The following ADGRL2 variants were observed in gnomAD, a reference collection of about 807,000 sequenced individuals.
ADGRL2 encodes calcium-independent alpha-latrotoxin receptor 2.
A neutral mutation model predicts 157.4 loss-of-function variants in ADGRL2; 44 were observed. That is an observed-to-expected ratio of 0.28 (90% CI 0.22 to 0.36). ADGRL2 has a LOEUF of 0.36. Among genes scored for constraint, ADGRL2 ranks in the 10% least tolerant of loss-of-function variants. The pLI is 1.00. For synonymous variants in ADGRL2, 585 were observed against 624.7 expected, an observed-to-expected ratio of 0.94 and a Z score of 0.95; for missense variants, 1,510 against 1,768.9, an observed-to-expected ratio of 0.85 and a Z score of 2.63.
intron 2 of ADGRL2, among the ~76,000 whole-genome samples, chr1:81,473,035 T>C (rs1055645817): frequency 2.0e-5 from 3 of 151,020 alleles, no homozygotes; most frequent in African/African-American, 7.3e-5. Flanking sequence ...GTGCCTGTTA[T>C]GTGAACTCAA....
rs558356608 is a variant in ADGRL2 at position 81,622,605 on chromosome 1, G to A, written c.-143+41625G>A. 4.1e-3 allele frequency among the ~76,000 whole-genome samples: 623 copies of A among 151,108 alleles called. 3 individuals carry two copies. Among genetic ancestry groups the A allele is most frequent in the Non-Finnish European group, 5.5e-3 (372 of 67,754 alleles). ...CAAAACAAAAAAACCTATGTTTTTGGGGGACCAGGCACAGTGGCTCATGCC... is the reference window on the plus strand; with the variant it reads ...CAAAACAAAAAAACCTATGTTTTTGAGGGACCAGGCACAGTGGCTCATGCC... On this transcript the variant is annotated intron_variant, in intron 3 of 24. Transcript: ENST00000370721.
chr1:81,564,728 A>G (rs933876897), intron 2 of ADGRL2, among the ~76,000 whole-genome samples: 3 of 152,212 alleles, frequency 2.0e-5, no homozygotes, highest in East Asian at 1.9e-4. Context: ...GGAATTATAC[A>G]TGCATACCAA....
intron 1 of ADGRL2, among the ~76,000 whole-genome samples, chr1:81,380,474 T>C (rs1442711597): frequency 6.6e-6 from 1 of 152,220 alleles, no homozygotes. Flanking sequence ...TTCTTTTTTG[T>C]TGTTGTTTAA....
At chr1:81,804,592 A>C (rs1252796224) in intron 1 of ADGRL2, among the ~76,000 whole-genome samples, 1 of 152,244 alleles carries the variant, frequency 6.6e-6, no homozygotes, top group Non-Finnish European at 1.5e-5. Flanking sequence ...ATGTGGGCCA[A>C]AAACATTGTC....
At chr1:81,503,430 C>A (rs2078899316) in intron 2 of ADGRL2, 8 of 1,613,560 alleles carry the variant, frequency 5.0e-6, no homozygotes, top group Non-Finnish European at 6.8e-6. Flanking sequence ...CATCCCGGGG[C>A]ACCCCCAGCG....
chr1:81,459,823 T>TATACAAACACATCC (rs1553166826), intron 2 of ADGRL2, among the ~76,000 whole-genome samples: 2 of 147,212 alleles, frequency 1.4e-5, no homozygotes, highest in Admixed American at 6.9e-5. Context: ...TATATATATA[T>TATACAAACACATCC]ATATATATAC....
rs1303505773 is a variant in ADGRL2, at chr1:81,943,880, A to G, written c.1210+111A>G. On this transcript the variant is annotated intron_variant, in intron 6 of 23. Coordinates refer to ENST00000686636, the MANE Select transcript of ADGRL2 (RefSeq NM_001366006.2). This position sits in a 1 kb window ranked among gnomAD's most constrained non-coding sequence, Gnocchi z 5.6. Reference sequence around the variant, plus strand: ...TTCTTCCCCTTTTCATAGTTAAAGGACAAAGGACAATGTTGTGGTACATTT... The same window carrying G: ...TTCTTCCCCTTTTCATAGTTAAAGGGCAAAGGACAATGTTGTGGTACATTT... 4 of 775,610 alleles carry G rather than the reference A, an allele frequency of 5.2e-6. No homozygotes were observed. The African/African-American group carries it at 7.0e-5, about 14-fold the overall frequency. 48.0% of individuals were successfully genotyped at this position (775,610 alleles called of 1,614,324 possible).
At chr1:81,936,622 A>T in intron 3 of ADGRL2, 106 bp from the exon 4 acceptor site, 1 of 564,996 alleles carries the variant, frequency 1.8e-6, no homozygotes, top group Non-Finnish European at 3.1e-6. Context: ...TTTTTGTTTT[A>T]TGTTTCTGGT....
chr1:81,891,802 G>A (rs892112833), intron 2 of ADGRL2, among the ~76,000 whole-genome samples: 1 of 152,060 alleles, frequency 6.6e-6, no homozygotes, highest in African/African-American at 2.4e-5. Flanking sequence ...TTTATTTCAT[G>A]AATCCGAATT....
intron 1 of ADGRL2, among the ~76,000 whole-genome samples, chr1:81,821,691 G>A (rs917457452): frequency 2.0e-5 from 3 of 152,076 alleles, no homozygotes; most frequent in African/African-American, 7.2e-5. Context: ...TTGGTGAAAT[G>A]CCGGAACAAT....
intron 6 of ADGRL2, among the ~76,000 whole-genome samples, chr1:81,944,206 A>T (rs1030341331): frequency 3.3e-5 from 5 of 152,048 alleles, no homozygotes; most frequent in African/African-American, 1.2e-4. Flanking sequence ...TGCGTTCTAA[A>T]GTTTTGGTGT....
At chr1:81,895,743 G>GT (rs1212414336) in intron 2 of ADGRL2, among the ~76,000 whole-genome samples, 3 of 151,822 alleles carry the variant, frequency 2.0e-5, no homozygotes, top group African/African-American at 7.3e-5. Flanking sequence ...TTTTTTTTGT[G>GT]TTAGTGCTTT....
At chr1:81,439,563 G>T (rs1424530376) in intron 1 of ADGRL2, among the ~76,000 whole-genome samples, 1 of 152,216 alleles carries the variant, frequency 6.6e-6, no homozygotes, top group Non-Finnish European at 1.5e-5. Flanking sequence ...GGATCTGTCT[G>T]GCCACTCTGG....
chr1:81,371,385 A>G (rs1327398672), intron 1 of ADGRL2, among the ~76,000 whole-genome samples: 4 of 152,220 alleles, frequency 2.6e-5, no homozygotes, highest in Non-Finnish European at 5.9e-5. Context: ...TAGGATGATA[A>G]GGAAAGAAAA....
intron 1 of ADGRL2, among the ~76,000 whole-genome samples, chr1:81,388,835 T>C (rs2076484845): frequency 6.6e-6 from 1 of 152,164 alleles, no homozygotes; most frequent in Admixed American, 6.5e-5. Context: ...AATGCAATCC[T>C]CTGTAAGCAG....
chr1:81,762,714 A>G (rs1254524485), intron 2 of ADGRL2, among the ~76,000 whole-genome samples: 1 of 152,020 alleles, frequency 6.6e-6, no homozygotes, highest in Non-Finnish European at 1.5e-5. Context: ...GTGCGCTTAT[A>G]TAGACAGAGG....
intron 3 of ADGRL2, among the ~76,000 whole-genome samples, chr1:81,667,978 T>C (rs1285701981): frequency 6.6e-6 from 1 of 152,212 alleles, no homozygotes; most frequent in African/African-American, 2.4e-5. Context: ...AAAAGAGTGT[T>C]GAATTTTTAA....
chr1:81,396,674 A>C (rs2076660897), intron 1 of ADGRL2, among the ~76,000 whole-genome samples: 1 of 152,154 alleles, frequency 6.6e-6, no homozygotes, highest in African/African-American at 2.4e-5. Context: ...TTCCTTCTAT[A>C]ACTAGTCTGT....
chr1:81,386,265 G>A (rs2076433062), intron 1 of ADGRL2, among the ~76,000 whole-genome samples: 1 of 152,068 alleles, frequency 6.6e-6, no homozygotes, highest in Admixed American at 6.5e-5. Flanking sequence ...AATAAACCTA[G>A]TAAGCAGGAA....
Sources: gnomAD v4.1 joint callset for allele counts (sites outside exome capture counted in the v4.1 genomes callset) on GRCh38, gnomAD v4.1.1 for gene constraint, Gnocchi (gnomAD v3.1) non-coding constraint, MANE v1.5 for transcripts, NCBI Gene and HGNC (gene_info 2026-07-23, HGNC 2026-07-21) for gene names.